Variants in ADARB2 observed in about 807,000 individuals in gnomAD.
ADARB2 encodes inactive double-stranded RNA-specific editase B2.
ADARB2 carries 25 observed loss-of-function variants against 62.2 expected under a neutral mutation model. The observed-to-expected ratio is 0.40, with a 90% confidence interval of 0.29 to 0.56. The LOEUF (loss-of-function observed/expected upper bound fraction) is 0.56. Among genes scored for constraint, ADARB2 ranks in the 20% least tolerant of loss-of-function variants. The probability of loss-of-function intolerance (pLI) is 0.43; values close to 1 mark genes in which losing one functional copy is unlikely to be tolerated. For missense variants in ADARB2, 1,071 were observed against 1,077.4 expected, an observed-to-expected ratio of 0.99 and a Z score of 0.08; for synonymous variants, 572 against 500.8, an observed-to-expected ratio of 1.14 and a Z score of -1.90.
intron 1 of ADARB2, among the ~76,000 whole-genome samples, chr10:1,421,925 A>G (rs1342664054): frequency 6.6e-6 from 1 of 152,186 alleles, no homozygotes; most frequent in Non-Finnish European, 1.5e-5. Flanking sequence ...TGCATGTGCT[A>G]TTTCCATCTC....
At chr10:1,626,860 C>T (rs1833776996) in intron 1 of ADARB2, among the ~76,000 whole-genome samples, 1 of 152,078 alleles carries the variant, frequency 6.6e-6, no homozygotes, top group African/African-American at 2.4e-5. Flanking sequence ...ACTTTTGCAC[C>T]AACCTAATAT....
chr10:1,406,903 G>A (rs1832711785), intron 1 of ADARB2, among the ~76,000 whole-genome samples: 1 of 152,154 alleles, frequency 6.6e-6, no homozygotes, highest in South Asian at 2.1e-4. Context: ...AGGAAAAGAG[G>A]AGGAGCTTAT....
chr10:1,463,024 G>T (rs558420873), intron 1 of ADARB2, among the ~76,000 whole-genome samples: 1 of 141,640 alleles, frequency 7.1e-6, no homozygotes, highest in Non-Finnish European at 1.6e-5. Context: ...GGGTGGGGTG[G>T]GACGCAGCTG....
chr10:1,220,206 G>A lies in ADARB2; in HGVS notation c.1514-3087C>T, dbSNP rs561130401. On this transcript the variant is annotated intron_variant, in intron 6 of 9. Transcript: ENST00000381312. ...TGGTGGTGATGATGATGATGGTAAT[G>A]GTGGTGATGATGGTGATGGTGATGA... Among the ~76,000 whole-genome samples, 3 of 151,214 alleles carry A rather than the reference G, an allele frequency of 2.0e-5. No homozygotes were observed. In the South Asian group the frequency reaches 6.3e-4, roughly 32 times the overall value.
rs904183310 is a variant in ADARB2, at chr10:1,212,000, C to T, written c.1682+4951G>A. Reference sequence around the variant, plus strand: ...AGGATGACGCTGGCTCCTGTGCATCCTGCGCCGGGCATGGTGCCTCACGTG... The same window carrying T: ...AGGATGACGCTGGCTCCTGTGCATCTTGCGCCGGGCATGGTGCCTCACGTG... On this transcript the variant is annotated intron_variant, in intron 7 of 9. Transcript: ENST00000381312. Among the ~76,000 whole-genome samples the T allele has an allele frequency of 6.6e-5, 10 of 152,328 alleles. No homozygotes were observed. The South Asian group carries it at 1.2e-3, about 19-fold the overall frequency.
chr10:1,630,253 C>T (rs1044786333), intron 1 of ADARB2, among the ~76,000 whole-genome samples: 2 of 152,294 alleles, frequency 1.3e-5, no homozygotes, highest in East Asian at 1.9e-4. Flanking sequence ...GCTTGGCCCT[C>T]CCGACACTTA....
intron 1 of ADARB2, among the ~76,000 whole-genome samples, chr10:1,383,932 C>T (rs1195673779): frequency 3.9e-5 from 6 of 152,076 alleles, no homozygotes; most frequent in Non-Finnish European, 8.8e-5. Context: ...TTGCCTTTGC[C>T]TTTGTTAAAT....
At chr10:1,705,271 C>A (rs989163804) in intron 1 of ADARB2, among the ~76,000 whole-genome samples, 6 of 152,188 alleles carry the variant, frequency 3.9e-5, no homozygotes, top group African/African-American at 1.4e-4. Flanking sequence ...GGGCTGCATT[C>A]TACATGGTGC....
At chr10:1,345,608 C>A (rs1287699804) in intron 3 of ADARB2, among the ~76,000 whole-genome samples, 1 of 152,190 alleles carries the variant, frequency 6.6e-6, no homozygotes, top group African/African-American at 2.4e-5. Context: ...ATCTGGGGAG[C>A]TGGCTGGACA....
intron 1 of ADARB2, among the ~76,000 whole-genome samples, chr10:1,549,042 A>G (rs1832572308): frequency 6.6e-6 from 1 of 152,102 alleles, no homozygotes; most frequent in South Asian, 2.1e-4. Flanking sequence ...GCTAAAAGAG[A>G]GGGAGAATCT....
intron 1 of ADARB2, among the ~76,000 whole-genome samples, chr10:1,472,764 G>T (rs1831341107): frequency 6.6e-6 from 1 of 152,112 alleles, no homozygotes; most frequent in Non-Finnish European, 1.5e-5. Flanking sequence ...CCCTGCCTGG[G>T]GATCTGCAGG....
At chr10:1,308,695 A>G (rs1831655538) in intron 3 of ADARB2, among the ~76,000 whole-genome samples, 1 of 152,214 alleles carries the variant, frequency 6.6e-6, no homozygotes, top group Non-Finnish European at 1.5e-5. Context: ...TGGTACTGGT[A>G]TCTTAGCATT....
chr10:1,699,550 T>C (rs1834796255), intron 1 of ADARB2, among the ~76,000 whole-genome samples: 1 of 133,320 alleles, frequency 7.5e-6, no homozygotes. Flanking sequence ...GCAATCCCAC[T>C]CCACCGGGAG....
At chr10:1,313,630 G>T (rs1006583308) in intron 3 of ADARB2, among the ~76,000 whole-genome samples, 3 of 152,134 alleles carry the variant, frequency 2.0e-5, no homozygotes, top group African/African-American at 7.2e-5. Context: ...AGGGCACAGG[G>T]TTACCTCTGC....
At chr10:1,737,004 G>T (rs1406052534) in intron 1 of ADARB2, 47 bp downstream of exon 1, 1 of 1,592,468 alleles carries the variant, frequency 6.3e-7, no homozygotes. Flanking sequence ...GGGTGGAGAA[G>T]CCGGGGGTGA....
At chr10:1,560,799 G>A (rs1056219305) in intron 1 of ADARB2, among the ~76,000 whole-genome samples, 4 of 152,252 alleles carry the variant, frequency 2.6e-5, no homozygotes, top group African/African-American at 9.6e-5. Context: ...CCGAGCCCCA[G>A]ACTGGGCAGC....
chr10:1,659,533 G>A (rs1564360755), intron 1 of ADARB2, among the ~76,000 whole-genome samples: 1 of 152,264 alleles, frequency 6.6e-6, no homozygotes, highest in Non-Finnish European at 1.5e-5. Context: ...GCCGGCCCCG[G>A]TCACTTTAGT....
At chr10:1,449,070 G>C (rs1831005578) in intron 1 of ADARB2, among the ~76,000 whole-genome samples, 1 of 152,176 alleles carries the variant, frequency 6.6e-6, no homozygotes, top group African/African-American at 2.4e-5. Context: ...AGAATGAATG[G>C]TTGCGGTCAC....
intron 4 of ADARB2, among the ~76,000 whole-genome samples, chr10:1,268,457 T>C (rs1831228406): frequency 7.0e-6 from 1 of 142,266 alleles, no homozygotes; most frequent in African/African-American, 2.6e-5. Context: ...AGCTAATAAA[T>C]GTGAATGAGT....
Sources: allele counts gnomAD v4.1 joint callset (sites outside exome capture counted in the v4.1 genomes callset), GRCh38; gene constraint gnomAD v4.1.1; transcripts MANE v1.5; gene names NCBI Gene and HGNC (gene_info 2026-07-23, HGNC 2026-07-21).